PINLYP: variants seen among roughly 807,000 people sequenced by gnomAD.
PINLYP encodes the protein phospholipase A2 inhibitor and Ly6/PLAUR domain-containing protein.
In PINLYP, 12 loss-of-function variants were observed where a neutral mutation model predicts 15.8. The ratio of observed to expected loss-of-function variants is 0.76; its 90% CI spans 0.49 to 1.23. The LOEUF (loss-of-function observed/expected upper bound fraction) is 1.23. Ranked by LOEUF, PINLYP falls within the 50% of genes most tolerant of loss-of-function variation. The pLI, the probability that PINLYP is intolerant of heterozygous loss-of-function variation, is 0.00. For missense variants in PINLYP, 278 were observed against 264.2 expected (o/e 1.05, Z -0.36); for synonymous variants, 93 against 97.7 (o/e 0.95, Z 0.28).
At chr19:43,578,653 C>A in exon 3 of PINLYP, 7 of 1,535,982 alleles carry the variant, frequency 4.6e-6, no homozygotes, top group Non-Finnish European at 6.1e-6. Context: ...CAAATGAAGA[C>A]CTGCAGCAGT....
chr19:43,578,591 G>T, exon 3 of PINLYP: 2 of 1,535,252 alleles, frequency 1.3e-6, no homozygotes, highest in Non-Finnish European at 1.7e-6. Flanking sequence ...ACACTGCAGG[G>T]TGCCCACTAC....
intron 3 of PINLYP, among the ~76,000 whole-genome samples, chr19:43,579,828 G>A (rs1037460511): frequency 2.0e-5 from 3 of 151,922 alleles, no homozygotes; most frequent in African/African-American, 7.3e-5. Context: ...CTTGAGCTTA[G>A]GAGATCGAGG....
intron 2 of PINLYP, 45 bp downstream of exon 2, chr19:43,577,306 G>T (rs911096024): frequency 6.6e-7 from 1 of 1,518,974 alleles, no homozygotes; most frequent in Non-Finnish European, 8.8e-7. Flanking sequence ...CTCAGGAAGA[G>T]AGAGGTCCCA....
At chr19:43,578,634 T>A in exon 3 of PINLYP, 1 of 1,535,948 alleles carries the variant, frequency 6.5e-7, no homozygotes, top group Non-Finnish European at 8.7e-7. Context: ...GGGGAGCAGG[T>A]GCCATGGCCA....
chr19:43,575,828 T>G, exon 1 of PINLYP: 1 of 210,970 alleles, frequency 4.7e-6, no homozygotes, highest in African/African-American at 2.3e-5. Context: ...GCCTTTCTCA[T>G]TGCACGATGG....
chr19:43,577,128 C>G (rs1600065179), exon 2 of PINLYP: 2 of 1,535,692 alleles, frequency 1.3e-6, no homozygotes, highest in African/African-American at 1.4e-5. Context: ...GAATGTGGGT[C>G]CAGACCCACC....
chr19:43,575,576 G>C (rs528729795), upstream of PINLYP: 13 of 1,145,436 alleles, frequency 1.1e-5, no homozygotes, highest in South Asian at 1.9e-4. Context: ...GCAAGCGCGC[G>C]AGGCTCGGGC....
At chr19:43,577,943 T>A (rs1568521954) in intron 2 of PINLYP, among the ~76,000 whole-genome samples, 1 of 152,094 alleles carries the variant, frequency 6.6e-6, no homozygotes, top group Non-Finnish European at 1.5e-5. Flanking sequence ...ATATATTTTT[T>A]TAAAAGAGGT....
rs1972895136 is a variant in PINLYP at position 43,578,726 on chromosome 19, G to T, written c.187+20G>T. 2 of 1,521,822 alleles carry T rather than the reference G, an allele frequency of 1.3e-6. No individual in the cohort carries two copies. Among genetic ancestry groups the T allele is most frequent in the Non-Finnish European group, 1.8e-6 (2 of 1,134,136 alleles). 94.3% of individuals were successfully genotyped at this position (1,521,822 alleles called of 1,614,324 possible). A position where few individuals can be genotyped will look rare whatever the true frequency, so the allele number is the denominator to read the frequency against. On this transcript the variant is annotated intron_variant, in intron 3 of 5. Transcript: ENST00000599207. The stretch of plus-strand genomic sequence containing the variant: ...CTTCAAGTAAGAGGATGTGGCCTGG[G>T]ACCTGGTGGGGAGGTGGGGTGTACC...
At chr19:43,577,350 A>G in intron 2 of PINLYP, 89 bp downstream of exon 2, 5 of 1,307,314 alleles carry the variant, frequency 3.8e-6, no homozygotes, top group Non-Finnish European at 5.0e-6. Flanking sequence ...AGAGAGAAAG[A>G]GCCTTCAGCA....
Position 43,581,609 on chromosome 19 carries a change from CA to C in PINLYP, c.388del (p.Thr130LeufsTer12), listed in dbSNP as rs1421237176. ...AGAATGGCCTGATGTGCCCCGCCTG[CA>C]CTGCGAGCTTCAGGGACAAATGCAT... On this transcript the variant is annotated frameshift_variant, in exon 5 of 6. Coordinates refer to ENST00000599207, the Ensembl canonical transcript of PINLYP. LOFTEE classifies it high-confidence loss of function. The C allele has an allele frequency of 6.5e-7, 1 of 1,536,520 alleles. No individual in the cohort carries two copies. Among genetic ancestry groups the C allele is most frequent in the Non-Finnish European group, 8.7e-7 (1 of 1,147,026 alleles).
chr19:43,581,858 T>A lies in PINLYP; in HGVS notation c.482-10T>A, dbSNP rs1207885971. ...AGGTCCCTGATTCCAGTCTGAAATC[T>A]CCCTTTCAGGTATTTTCAAACCCAG... On this transcript the variant is annotated splice_polypyrimidine_tract_variant and intron_variant, in intron 5 of 5. Coordinates refer to ENST00000599207, the Ensembl canonical transcript of PINLYP. 6.5e-7 allele frequency: 1 copy of A among 1,536,678 alleles called. No individual in the cohort carries two copies.
intron 2 of PINLYP, among the ~76,000 whole-genome samples, chr19:43,577,956 A>C (rs530740874): frequency 1.3e-5 from 2 of 152,146 alleles, no homozygotes; most frequent in African/African-American, 4.8e-5. Flanking sequence ...AAAGAGGTAG[A>C]GAGATTTCCT....
intron 3 of PINLYP, chr19:43,581,002 T>A (rs1282103980): frequency 5.6e-6 from 3 of 531,894 alleles, no homozygotes; most frequent in Non-Finnish European, 9.4e-6. Context: ...ACTCGGGAGG[T>A]GGAGGTTGCA....
At chr19:43,580,202 G>A (rs893468626) in intron 3 of PINLYP, among the ~76,000 whole-genome samples, 2 of 152,068 alleles carry the variant, frequency 1.3e-5, no homozygotes, top group Non-Finnish European at 1.5e-5. Flanking sequence ...AAGGCTTGAA[G>A]AGAACCCCCA....
chr19:43,580,738 T>A, intron 3 of PINLYP: 1 of 959,864 alleles, frequency 1.0e-6, no homozygotes, highest in Non-Finnish European at 1.2e-6. Context: ...GAGGGAGGGC[T>A]ACCTAAGAAA....
chr19:43,576,361 ACG>A lies in PINLYP; in HGVS notation c.-626_-625del, dbSNP rs1410650833. 6.6e-6 allele frequency among the ~76,000 whole-genome samples: 1 copy of A among 151,368 alleles called. No individual in the cohort carries two copies. The highest frequency in any genetic ancestry group is 1.5e-5 in the Non-Finnish European group (1 of 67,820). ...CACACACACGCACATATACATACATACGCGCGCGCGCACGCGCGAAAAAAATT... is the reference window on the plus strand; with the variant it reads ...CACACACACGCACATATACATACATACGCGCGCGCACGCGCGAAAAAAATT... On this transcript the variant is annotated 5_prime_UTR_variant, in exon 1 of 6. The change abolishes the stop of an existing upstream ORF in the 5' untranslated region. Transcript: ENST00000599207.
chr19:43,581,985 G>A (rs545665290), exon 6 of PINLYP: 6 of 1,536,132 alleles, frequency 3.9e-6, no homozygotes, highest in Non-Finnish European at 5.2e-6. Context: ...CATATAGAGT[G>A]CACTCACTCC....
chr19:43,579,737 A>G (rs914167755), intron 3 of PINLYP, among the ~76,000 whole-genome samples: 5 of 127,888 alleles, frequency 3.9e-5, no homozygotes, highest in African/African-American at 9.3e-5. Flanking sequence ...ATCTCTACAG[A>G]AAAAAAAAAA....
Sources: gnomAD v4.1 joint callset for allele counts (sites outside exome capture counted in the v4.1 genomes callset) on GRCh38, gnomAD v4.1.1 for gene constraint, MANE v1.5 for transcripts, NCBI Gene and HGNC (gene_info 2026-07-23, HGNC 2026-07-21) for gene names.